The following SHF variants were observed in gnomAD, a reference collection of about 807,000 sequenced individuals.
SHF encodes Src homology 2 domain containing F.
SHF carries 30 observed loss-of-function variants against 42.4 expected under a neutral mutation model. The ratio of observed to expected loss-of-function variants is 0.71; its 90% CI spans 0.53 to 0.96. The LOEUF (loss-of-function observed/expected upper bound fraction) is 0.96, where lower values mean the gene tolerates loss of function less well. Among genes scored for constraint, SHF ranks in the 40% least tolerant of loss-of-function variants. The pLI is 0.00. For missense variants in SHF, 598 were observed against 634.0 expected, an observed-to-expected ratio of 0.94 and a Z score of 0.61; for synonymous variants, 264 against 269.9, an observed-to-expected ratio of 0.98 and a Z score of 0.21.
chr15:45,169,432 G>A lies in SHF; in HGVS notation c.1281-1299C>T, dbSNP rs1595607202. Among the ~76,000 whole-genome samples the A allele has an allele frequency of 2.6e-5, 4 of 152,218 alleles. No homozygotes were observed. The East Asian group carries it at 7.7e-4, about 29-fold the overall frequency. ...CCCAGGGCTGGGAGTCAGGGTGCAG[G>A]GTGGCCGGGGCCATCTGTAGGTCTG... is the stretch of plus-strand genomic sequence containing the variant. On this transcript the variant is annotated intron_variant, in intron 6 of 6. Transcript: ENST00000690270.
At chr15:45,181,471 T>C (rs569307591) in intron 1 of SHF, among the ~76,000 whole-genome samples, 8 of 152,342 alleles carry the variant, frequency 5.3e-5, no homozygotes, top group African/African-American at 1.9e-4. Flanking sequence ...AAGCTGCTCC[T>C]ATAGGCTTCC....
intron 6 of SHF, chr15:45,171,610 A>T (rs1897491111): frequency 2.0e-6 from 1 of 493,922 alleles, no homozygotes; most frequent in Non-Finnish European, 3.6e-6. Context: ...TTTCATTAGT[A>T]AGGAAACTGA....
intron 3 of SHF, among the ~76,000 whole-genome samples, 153 bp downstream of exon 3, chr15:45,175,066 A>G (rs1048536370): frequency 1.3e-5 from 2 of 151,664 alleles, no homozygotes; most frequent in Non-Finnish European, 2.9e-5. Flanking sequence ...CACACTGCCA[A>G]CCCCACCCCC....
At chr15:45,179,285 T>C (rs148022165) in intron 1 of SHF, among the ~76,000 whole-genome samples, 278 of 152,320 alleles carry the variant, frequency 1.8e-3, no homozygotes, top group African/African-American at 6.4e-3. Flanking sequence ...AACCAGGTGA[T>C]TGGAACCCAT....
intron 2 of SHF, among the ~76,000 whole-genome samples, chr15:45,196,823 T>A (rs62026666): frequency 6.7e-6 from 1 of 149,246 alleles, no homozygotes; most frequent in East Asian, 2.0e-4. Context: ...GGCGTGAACC[T>A]GGGAGGCGGA....
chr15:45,191,130 T>C (rs1485160529), upstream of SHF, among the ~76,000 whole-genome samples: 1 of 152,188 alleles, frequency 6.6e-6, no homozygotes, highest in Non-Finnish European at 1.5e-5. Flanking sequence ...AGTGGCACAA[T>C]CATAGCTCAC....
intron 1 of SHF, among the ~76,000 whole-genome samples, chr15:45,182,157 A>G (rs1241691272): frequency 1.3e-5 from 2 of 152,212 alleles, no homozygotes; most frequent in Non-Finnish European, 2.9e-5. Flanking sequence ...CAATTGGGCC[A>G]TGCAACACAT....
At chr15:45,172,112 G>T (rs759539507) in intron 5 of SHF, 35 bp downstream of exon 5, 1 of 1,613,844 alleles carries the variant, frequency 6.2e-7, no homozygotes, top group Admixed American at 1.7e-5. Context: ...GGGGAGGAGT[G>T]GGGAGGGAGT....
exon 2 of SHF, chr15:45,198,903 C>T: frequency 6.2e-7 from 1 of 1,613,766 alleles, no homozygotes; most frequent in African/African-American, 1.3e-5. Flanking sequence ...TCCCGGTGAG[C>T]GCAGTGGGAG....
At chr15:45,183,991 C>G (rs1365132459) in intron 1 of SHF, among the ~76,000 whole-genome samples, 1 of 152,238 alleles carries the variant, frequency 6.6e-6, no homozygotes, top group Non-Finnish European at 1.5e-5. Context: ...TCCCCAGACT[C>G]TCCTCCTCCC....
At chr15:45,191,554 G>C (rs1898708685), upstream of SHF, among the ~76,000 whole-genome samples, 1 of 152,184 alleles carries the variant, frequency 6.6e-6, no homozygotes, top group Non-Finnish European at 1.5e-5. Context: ...AAGCATGGGT[G>C]CTCCCATCAC....
At chr15:45,189,818 A>G (rs183860511), upstream of SHF, among the ~76,000 whole-genome samples, 2 of 152,270 alleles carry the variant, frequency 1.3e-5, no homozygotes, top group East Asian at 1.9e-4. Context: ...CCGAGTCTCA[A>G]AATATTTGTT....
chr15:45,189,418 G>A (rs182841482), upstream of SHF, among the ~76,000 whole-genome samples: 39 of 135,586 alleles, frequency 2.9e-4, no homozygotes, highest in Non-Finnish European at 5.6e-4. Context: ...TTTTTGAGAC[G>A]GAGTCTCACT....
chr15:45,192,990 T>G (rs898919082), intron 2 of SHF, among the ~76,000 whole-genome samples: 4 of 152,248 alleles, frequency 2.6e-5, no homozygotes, highest in Non-Finnish European at 5.9e-5. Flanking sequence ...GCTTGATCAC[T>G]TGGTTAAGCT....
At chr15:45,200,409 A>C (rs1341371232) in intron 1 of SHF, 2 of 230,754 alleles carry the variant, frequency 8.7e-6, no homozygotes, top group East Asian at 9.3e-5. Context: ...CATTGTCCTC[A>C]CAATGCCGTG....
chr15:45,190,779 G>A (rs1017457691), upstream of SHF, among the ~76,000 whole-genome samples: 2 of 152,172 alleles, frequency 1.3e-5, no homozygotes, highest in Non-Finnish European at 2.9e-5. Flanking sequence ...ATGATGGGAA[G>A]AGTAGGAATA....
chr15:45,175,356 T>A lies in SHF; in HGVS notation c.710A>T (p.Glu237Val), dbSNP rs1897745093. 6.3e-7 allele frequency: 1 copy of A among 1,598,552 alleles called. No individual in the cohort carries two copies. ...PLYDTPYEPE[E>V]DGATAEGEGA... ...CTCACCTTCCGCGGTGGCCCCATCC[T>A]CCTCTGGCTCATAGGGTGTGTCATA... Residue 237 changes from glutamate to valine, a missense_variant, in exon 3 of 7, where the codon GAG becomes GTG. This residue lies in a region of SHF where 439 missense variants were observed against 524.6 expected (regional missense o/e 0.84). Coordinates refer to ENST00000690270, the MANE Select transcript of SHF (RefSeq NM_001394037.1).
intron 3 of SHF, chr15:45,174,199 G>T: frequency 5.2e-6 from 1 of 191,154 alleles, no homozygotes; most frequent in Non-Finnish European, 1.1e-5. Context: ...AGGTTGTCAG[G>T]ATTACTCAGA....
intron 6 of SHF, among the ~76,000 whole-genome samples, 166 bp from the exon 7 acceptor site, chr15:45,168,299 G>A (rs1313776130): frequency 1.3e-5 from 2 of 152,202 alleles, no homozygotes; most frequent in Non-Finnish European, 2.9e-5. Flanking sequence ...AGCAGGGGTG[G>A]TGGTGGTGTA....
Sources: allele counts gnomAD v4.1 joint callset (sites outside exome capture counted in the v4.1 genomes callset), GRCh38; gene constraint gnomAD v4.1.1; regional missense constraint gnomAD v4.1.1; transcripts MANE v1.5; gene names NCBI Gene and HGNC (gene_info 2026-07-23, HGNC 2026-07-21).